The following AKR1B15 variants were observed in gnomAD, a reference collection of about 807,000 sequenced individuals.
The protein encoded by AKR1B15 is estradiol 17-beta-dehydrogenase AKR1B15.
Under a neutral mutation model 38.5 loss-of-function variants are expected in AKR1B15, and 49 were observed. That is an observed-to-expected ratio of 1.27 (90% CI 1.01 to 1.62). The LOEUF is 1.62. Among genes scored for constraint, AKR1B15 ranks in the 40% most tolerant of loss-of-function variants. The pLI, the probability that AKR1B15 is intolerant of heterozygous loss-of-function variation, is 0.00. For synonymous variants in AKR1B15, 137 were observed against 135.5 expected (o/e 1.01, Z -0.08); for missense variants, 411 against 381.6 (o/e 1.08, Z -0.64).
rs1400894116 is a variant in AKR1B15 at position 134,576,949 on chromosome 7, C to T, written c.826-14C>T. On this transcript the variant is annotated splice_polypyrimidine_tract_variant and intron_variant, in intron 9 of 11. Transcript: ENST00000457545. ...TGTAGCTGAGTGGAAACATGATGTCCCCTTTCTGCACAGGTTCTGATCCGT... is the reference window on the plus strand; with the variant it reads ...TGTAGCTGAGTGGAAACATGATGTCTCCTTTCTGCACAGGTTCTGATCCGT... 6.2e-7 allele frequency: 1 copy of T among 1,609,840 alleles called. No homozygotes were observed. Among genetic ancestry groups the T allele is most frequent in the Admixed American group, 1.7e-5 (1 of 59,998 alleles).
chr7:134,549,988 G>A (rs1425921758), intron 1 of AKR1B15, among the ~76,000 whole-genome samples: 1 of 152,134 alleles, frequency 6.6e-6, no homozygotes, highest in Non-Finnish European at 1.5e-5. Flanking sequence ...ATGGGGAAGG[G>A]TGTGGAAGAC....
rs186770837 is a variant in AKR1B15 at position 134,572,532 on chromosome 7, G to T, written c.513+851G>T. 2.6e-5 allele frequency among the ~76,000 whole-genome samples: 4 copies of T among 152,108 alleles called. No individual in the cohort carries two copies. The East Asian group carries it at 7.7e-4, about 29-fold the overall frequency. The stretch of plus-strand genomic sequence containing the variant: ...AATGTGAGCTACTTGGAAGGCTGAG[G>T]CAGGAGAATTGTGTGAACTTGGGAG... On this transcript the variant is annotated intron_variant, in intron 6 of 11. Coordinates refer to ENST00000457545, the MANE Select transcript of AKR1B15 (RefSeq NM_001080538.3).
At chr7:134,576,680 C>G (rs571337160) in intron 9 of AKR1B15, among the ~76,000 whole-genome samples, 2 of 151,836 alleles carry the variant, frequency 1.3e-5, no homozygotes, top group Admixed American at 1.3e-4. Flanking sequence ...GCTTTGGAGT[C>G]TAGGGATATG....
intron 3 of AKR1B15, 62 bp downstream of exon 3, chr7:134,564,831 G>A: frequency 1.8e-6 from 1 of 549,510 alleles, no homozygotes; most frequent in East Asian, 3.0e-5. Context: ...CTGTTTAGAT[G>A]GGGGATTGAG....
chr7:134,577,495 C>T (rs1794790987), intron 10 of AKR1B15, among the ~76,000 whole-genome samples: 1 of 152,180 alleles, frequency 6.6e-6, no homozygotes, highest in Non-Finnish European at 1.5e-5. Flanking sequence ...GTCTCCCTCC[C>T]CCCAGAACAC....
chr7:134,577,150 C>A, intron 10 of AKR1B15, 104 bp downstream of exon 10: 1 of 1,197,758 alleles, frequency 8.3e-7, no homozygotes, highest in Non-Finnish European at 1.2e-6. Context: ...CTTTGGCCCC[C>A]TCCTTCCCCA....
chr7:134,563,724 C>A (rs1476636637), intron 2 of AKR1B15, among the ~76,000 whole-genome samples: 1 of 152,178 alleles, frequency 6.6e-6, no homozygotes, highest in East Asian at 1.9e-4. Flanking sequence ...ATGTACCAAT[C>A]TTTCATCCCA....
chr7:134,569,552 G>C (rs1794621669), intron 5 of AKR1B15, 23 bp downstream of exon 5: 1 of 1,612,996 alleles, frequency 6.2e-7, no homozygotes, highest in Non-Finnish European at 8.5e-7. Context: ...CCCTTTCTCA[G>C]CCTCTAGTTT....
intron 9 of AKR1B15, 66 bp downstream of exon 9, chr7:134,576,496 G>C (rs1219853661): frequency 1.3e-6 from 2 of 1,570,092 alleles, no homozygotes; most frequent in Middle Eastern, 1.7e-4. Flanking sequence ...TTCATTTCTC[G>C]TGTTGTCCTC....
intron 11 of AKR1B15, among the ~76,000 whole-genome samples, chr7:134,578,743 A>G (rs1430289709): frequency 6.6e-6 from 1 of 152,250 alleles, no homozygotes; most frequent in African/African-American, 2.4e-5. Flanking sequence ...CTTGCATGTC[A>G]TGATATTCCA....
intron 3 of AKR1B15, among the ~76,000 whole-genome samples, chr7:134,566,046 C>T (rs1287182159): frequency 6.6e-6 from 1 of 152,186 alleles, no homozygotes; most frequent in Non-Finnish European, 1.5e-5. Context: ...GTAATCCCAG[C>T]ACTTTGGGAG....
intron 6 of AKR1B15, 32 bp downstream of exon 6, chr7:134,571,713 A>G: frequency 6.5e-7 from 1 of 1,548,876 alleles, no homozygotes; most frequent in Non-Finnish European, 8.9e-7. Flanking sequence ...GTGTGCTGGG[A>G]GAGAAATCCT....
chr7:134,579,386 T>C, intron 11 of AKR1B15, 121 bp from the exon 12 acceptor site: 1 of 787,994 alleles, frequency 1.3e-6, no homozygotes, highest in Non-Finnish European at 1.9e-6. Flanking sequence ...CTTGTGTTCT[T>C]GCAGGGAGGA....
At chr7:134,555,687 C>A (rs1357954240) in intron 1 of AKR1B15, among the ~76,000 whole-genome samples, 15 of 152,048 alleles carry the variant, frequency 9.9e-5, no homozygotes, top group Admixed American at 9.2e-4. Context: ...CCGACCCTGC[C>A]CATACCCTTG....
At chr7:134,556,012 A>G (rs185583521) in intron 1 of AKR1B15, among the ~76,000 whole-genome samples, 10 of 152,300 alleles carry the variant, frequency 6.6e-5, no homozygotes, top group African/African-American at 2.4e-4. Context: ...TCCTCTTACT[A>G]TAACTCTCCG....
At chr7:134,557,632 C>T (rs1794244899) in intron 2 of AKR1B15, among the ~76,000 whole-genome samples, 1 of 151,224 alleles carries the variant, frequency 6.6e-6, no homozygotes, top group Non-Finnish European at 1.5e-5. Context: ...AATTTAAGCC[C>T]CTGCACCTGG....
intron 4 of AKR1B15, among the ~76,000 whole-genome samples, 178 bp downstream of exon 4, chr7:134,568,503 A>G (rs1585806672): frequency 1.3e-5 from 2 of 152,304 alleles, no homozygotes; most frequent in South Asian, 4.1e-4. Flanking sequence ...ATATTTGAAC[A>G]TGTCGTGGCT....
rs571564263 is a variant in AKR1B15 at position 134,571,651 on chromosome 7, T to C, written c.483T>C (p.Ser161=). ...FPKDDKGNMI[S]GKGTFLDAWE... Reference sequence around the variant, plus strand: ...AAGATGATAAAGGTAATATGATCAGTGGAAAAGGAACGTTCTTGGATGCCT... The same window carrying C: ...AAGATGATAAAGGTAATATGATCAGCGGAAAAGGAACGTTCTTGGATGCCT... Residue 161 remains serine (S), a synonymous_variant, in exon 6 of 12, where the codon AGT becomes AGC. Coordinates refer to ENST00000457545, the MANE Select transcript of AKR1B15 (RefSeq NM_001080538.3). The C allele has an allele frequency of 1.2e-5, 19 of 1,613,676 alleles. No individual in the cohort carries two copies. In the African/African-American group the frequency reaches 2.4e-4, roughly 20 times the overall value.
At chr7:134,572,214 A>G (rs1402884243) in intron 6 of AKR1B15, among the ~76,000 whole-genome samples, 1 of 152,056 alleles carries the variant, frequency 6.6e-6, no homozygotes, top group Non-Finnish European at 1.5e-5. Flanking sequence ...GACATTTGAA[A>G]CCTAGATTGG....
Sources: gnomAD v4.1 joint callset for allele counts (sites outside exome capture counted in the v4.1 genomes callset) on GRCh38, gnomAD v4.1.1 for gene constraint, MANE v1.5 for transcripts, NCBI Gene and HGNC (gene_info 2026-07-23, HGNC 2026-07-21) for gene names.